Variants in FUT9 observed in about 807,000 individuals in gnomAD.
The protein encoded by FUT9 is fucosyltransferase 9.
A neutral mutation model predicts 29.7 loss-of-function variants in FUT9; 15 were observed. The ratio of observed to expected loss-of-function variants is 0.51; its 90% CI spans 0.34 to 0.78. The LOEUF is 0.78. Among genes scored for constraint, FUT9 ranks in the 30% least tolerant of loss-of-function variants. The probability of loss-of-function intolerance (pLI) is 0.01; values close to 1 mark genes in which losing one functional copy is unlikely to be tolerated. For synonymous variants in FUT9, 169 were observed against 153.7 expected, an observed-to-expected ratio of 1.10 and a Z score of -0.74; for missense variants, 319 against 425.4, an observed-to-expected ratio of 0.75 and a Z score of 2.20.
intron 2 of FUT9, among the ~76,000 whole-genome samples, chr6:96,156,988 A>G (rs1246641046): frequency 1.3e-5 from 2 of 152,196 alleles, no homozygotes; most frequent in African/African-American, 4.8e-5. Flanking sequence ...TTTCCCCTCC[A>G]TTCCTATTAA....
At chr6:96,079,482 T>C (rs1771199584) in intron 1 of FUT9, among the ~76,000 whole-genome samples, 1 of 152,312 alleles carries the variant, frequency 6.6e-6, no homozygotes, top group East Asian at 1.9e-4. Context: ...CCCTTGAGTA[T>C]TTAAAGACAT....
chr6:96,119,905 T>C (rs1255893244), intron 2 of FUT9, among the ~76,000 whole-genome samples: 1 of 152,172 alleles, frequency 6.6e-6, no homozygotes, highest in Non-Finnish European at 1.5e-5. Flanking sequence ...TTCTTGAATA[T>C]GAGGGGGTTA....
intron 2 of FUT9, among the ~76,000 whole-genome samples, chr6:96,127,966 A>G (rs1013910177): frequency 2.6e-5 from 4 of 152,010 alleles, no homozygotes; most frequent in Non-Finnish European, 5.9e-5. Context: ...TTTTTCTCCT[A>G]TTCTATAGAT....
At chr6:96,111,540 A>AACACACACACAC (rs66491542) in intron 1 of FUT9, among the ~76,000 whole-genome samples, 12 of 145,662 alleles carry the variant, frequency 8.2e-5, no homozygotes, top group South Asian at 6.7e-4. Context: ...TGATTTGGGA[A>AACACACACACAC]ACACACACAC....
Position 96,203,878 on chromosome 6 carries a change from T to C in FUT9, c.723T>C (p.Tyr241=). The part of the protein sequence containing the change: ...LIPTISTCKF[Y]LSFENSIHKD... ...CTACCATATCTACTTGTAAATTTTATCTTTCCTTTGAAAATTCAATCCACA... is the reference window on the plus strand; with the variant it reads ...CTACCATATCTACTTGTAAATTTTACCTTTCCTTTGAAAATTCAATCCACA... Residue 241 remains tyrosine, a synonymous_variant, in exon 3 of 3, where the codon TAT becomes TAC. Transcript: ENST00000302103. The C allele has an allele frequency of 6.2e-7, 1 of 1,612,270 alleles. No homozygotes were observed. Among genetic ancestry groups the C allele is most frequent in the South Asian group, 1.1e-5 (1 of 91,012 alleles).
At chr6:96,140,803 T>C (rs957059013) in intron 2 of FUT9, among the ~76,000 whole-genome samples, 12 of 152,228 alleles carry the variant, frequency 7.9e-5, no homozygotes, top group African/African-American at 1.9e-4. Flanking sequence ...CCTCATGACA[T>C]GCTGAGATTA....
intron 2 of FUT9, among the ~76,000 whole-genome samples, chr6:96,193,499 T>G (rs1015793373): frequency 2.7e-5 from 4 of 150,636 alleles, no homozygotes; most frequent in African/African-American, 7.3e-5. Context: ...AAAACAACAA[T>G]GAGATACCAT....
At chr6:96,016,348 C>T (rs1051005596) in intron 1 of FUT9, 136 bp downstream of exon 1, 6 of 152,326 alleles carry the variant, frequency 3.9e-5, no homozygotes, top group Non-Finnish European at 8.8e-5. Context: ...GAGGGTGTTG[C>T]TCTGTGGTCC....
intron 1 of FUT9, among the ~76,000 whole-genome samples, chr6:96,039,791 GT>G (rs1223281351): frequency 3.9e-5 from 6 of 152,110 alleles, no homozygotes; most frequent in African/African-American, 1.4e-4. Context: ...ATCTACAAGA[GT>G]CCAAGCATTT....
chr6:96,179,887 A>G (rs1370329535), intron 2 of FUT9, among the ~76,000 whole-genome samples: 1 of 152,148 alleles, frequency 6.6e-6, no homozygotes, highest in Non-Finnish European at 1.5e-5. Flanking sequence ...ATTGTGCAGT[A>G]ATTACTCTAA....
intron 2 of FUT9, among the ~76,000 whole-genome samples, chr6:96,148,351 T>C (rs1235201714): frequency 1.3e-5 from 2 of 152,202 alleles, no homozygotes; most frequent in Non-Finnish European, 2.9e-5. Context: ...CAGCTCCACG[T>C]AGCTCTGGGG....
Position 96,067,451 on chromosome 6 carries a change from G to A in FUT9, c.-97-46588G>A, listed in dbSNP as rs910532168. ...GAAGTGCTTTAAACATAGGAATGAC[G>A]GAGTCACACCTGATCGTATCAGAGG... is the stretch of plus-strand genomic sequence containing the variant. On this transcript the variant is annotated intron_variant, in intron 1 of 2. Transcript: ENST00000302103. Among the ~76,000 whole-genome samples, 4 of 152,026 alleles carry A rather than the reference G, an allele frequency of 2.6e-5. No individual in the cohort carries two copies. In the East Asian group the frequency reaches 5.8e-4, roughly 22 times the overall value.
At chr6:96,058,726 A>C (rs1026533054) in intron 1 of FUT9, among the ~76,000 whole-genome samples, 2 of 152,190 alleles carry the variant, frequency 1.3e-5, no homozygotes, top group African/African-American at 4.8e-5. Flanking sequence ...TACTTGGAAA[A>C]GACAAATTAA....
rs1772202259 is a variant in FUT9 at position 96,129,466 on chromosome 6, A to T, written c.-9+15339A>T. ...GTGAGACCCTGTCTCAAAAAATAAA[A>T]ATAAAAAATAAAACAGCTTCAAACT... On this transcript the variant is annotated intron_variant, in intron 2 of 2. Coordinates refer to ENST00000302103, the MANE Select transcript of FUT9 (RefSeq NM_006581.4). Among the ~76,000 whole-genome samples the T allele has an allele frequency of 2.6e-5, 4 of 152,014 alleles. No homozygotes were observed. In the South Asian group the frequency reaches 8.3e-4, roughly 32 times the overall value.
rs183256766 is a variant in FUT9 at position 96,053,249 on chromosome 6, A to G, written c.-98+37037A>G. On this transcript the variant is annotated intron_variant, in intron 1 of 2. Coordinates refer to ENST00000302103, the MANE Select transcript of FUT9 (RefSeq NM_006581.4). Reference sequence around the variant, plus strand: ...ATTAAAGCAAGGCATTTTTTAGTTCATTTGGTCATTTCACTTACTTTTGTA... The same window carrying G: ...ATTAAAGCAAGGCATTTTTTAGTTCGTTTGGTCATTTCACTTACTTTTGTA... 1.1e-3 allele frequency among the ~76,000 whole-genome samples: 170 copies of G among 152,204 alleles called. 1 individual carries two copies. Among genetic ancestry groups the G allele is most frequent in the African/African-American group, 3.9e-3 (160 of 41,540 alleles).
chr6:96,062,050 T>C (rs574214019), intron 1 of FUT9, among the ~76,000 whole-genome samples: 152 of 152,348 alleles, frequency 1.0e-3, no homozygotes, highest in African/African-American at 3.5e-3. Context: ...TACCAGGGTT[T>C]GTATAGTATA....
At chr6:96,123,815 A>G (rs1772077554) in intron 2 of FUT9, among the ~76,000 whole-genome samples, 1 of 152,030 alleles carries the variant, frequency 6.6e-6, no homozygotes, top group Non-Finnish European at 1.5e-5. Context: ...CTTATGAGAA[A>G]AAAATCACAG....
intron 2 of FUT9, among the ~76,000 whole-genome samples, chr6:96,189,018 G>C (rs1773456165): frequency 6.6e-6 from 1 of 152,046 alleles, no homozygotes; most frequent in Admixed American, 6.6e-5. Context: ...TGATACTGTG[G>C]CAAATGCTGT....
intron 2 of FUT9, among the ~76,000 whole-genome samples, chr6:96,176,345 A>T (rs1773204305): frequency 6.6e-6 from 1 of 151,356 alleles, no homozygotes; most frequent in Non-Finnish European, 1.5e-5. Flanking sequence ...ATCATATAAT[A>T]TACAATGATA....
Sources: allele counts gnomAD v4.1 joint callset (sites outside exome capture counted in the v4.1 genomes callset), GRCh38; gene constraint gnomAD v4.1.1; transcripts MANE v1.5; gene names NCBI Gene and HGNC (gene_info 2026-07-23, HGNC 2026-07-21).